LRP1B: variants seen among roughly 807,000 people sequenced by gnomAD.
LRP1B encodes the protein LDL receptor related protein 1B, also known as low-density lipoprotein receptor-related protein 1B.
A neutral mutation model predicts 556.6 loss-of-function variants in LRP1B; 217 were observed. The observed-to-expected ratio is 0.39, with a 90% CI of 0.35 to 0.44. LRP1B has a LOEUF of 0.44. Ranked by LOEUF, LRP1B falls within the 20% of genes least tolerant of loss-of-function variation. The pLI is 1.00. For synonymous variants in LRP1B, 2,047 were observed against 1,865.8 expected, an observed-to-expected ratio of 1.10 and a Z score of -2.50; for missense variants, 5,053 against 5,620.8, an observed-to-expected ratio of 0.90 and a Z score of 3.23.
At chr2:141,121,262 T>C (rs998642344) in intron 7 of LRP1B, among the ~76,000 whole-genome samples, 7 of 152,220 alleles carry the variant, frequency 4.6e-5, no homozygotes, top group Non-Finnish European at 7.4e-5. Flanking sequence ...AATCCTATCA[T>C]GAATCTGATA....
At chr2:140,999,452 A>C (rs1412618054) in intron 15 of LRP1B, among the ~76,000 whole-genome samples, 1 of 152,130 alleles carries the variant, frequency 6.6e-6, no homozygotes, top group East Asian at 1.9e-4. Flanking sequence ...TACTTTCACC[A>C]GGTGTAAAAT....
chr2:142,057,882 C>T (rs1704737605), intron 1 of LRP1B, among the ~76,000 whole-genome samples: 1 of 152,096 alleles, frequency 6.6e-6, no homozygotes, highest in African/African-American at 2.4e-5. Flanking sequence ...TCCTTGGACA[C>T]CCTTGTGTCT....
At chr2:141,839,588 G>A (rs531357243) in intron 1 of LRP1B, among the ~76,000 whole-genome samples, 2 of 152,316 alleles carry the variant, frequency 1.3e-5, no homozygotes, top group South Asian at 4.1e-4. Context: ...GGCTGTAACA[G>A]TGGTTAGGCT....
chr2:141,492,079 G>GAAAAAACAAACAAAA (rs1553521020), intron 2 of LRP1B, among the ~76,000 whole-genome samples: 7 of 8,066 alleles, frequency 8.7e-4, no homozygotes, highest in African/African-American at 1.9e-3. Flanking sequence ...TTAGCTTTCT[G>GAAAAAACAAACAAAA]AAAAAAAAAA....
intron 80 of LRP1B, among the ~76,000 whole-genome samples, chr2:140,324,870 CTTTT>C (rs36073920): frequency 7.3e-6 from 1 of 136,820 alleles, no homozygotes. Flanking sequence ...GGGATCTGAA[CTTTT>C]TTTTTTTTTT....
At chr2:141,734,343 G>T (rs1236479842) in intron 2 of LRP1B, among the ~76,000 whole-genome samples, 1 of 151,938 alleles carries the variant, frequency 6.6e-6, no homozygotes, top group African/African-American at 2.4e-5. Flanking sequence ...TATATAAATT[G>T]TTCAGATTCA....
At chr2:141,905,458 CT>C (rs199599005) in intron 1 of LRP1B, among the ~76,000 whole-genome samples, 3 of 150,908 alleles carry the variant, frequency 2.0e-5, no homozygotes, top group Non-Finnish European at 3.0e-5. Flanking sequence ...AGGTTTTGTA[CT>C]TTTTTTTTCA....
intron 2 of LRP1B, among the ~76,000 whole-genome samples, chr2:141,796,737 T>G (rs1405306099): frequency 6.6e-6 from 1 of 151,972 alleles, no homozygotes; most frequent in African/African-American, 2.4e-5. Context: ...TCTCTTGCAT[T>G]TGCAGTTGTA....
chr2:141,333,882 A>C (rs1434812544), intron 3 of LRP1B, among the ~76,000 whole-genome samples: 1 of 152,122 alleles, frequency 6.6e-6, no homozygotes, highest in Non-Finnish European at 1.5e-5. Flanking sequence ...TATGTGTATG[A>C]TATGAGTGTA....
intron 1 of LRP1B, among the ~76,000 whole-genome samples, chr2:141,994,664 A>G (rs759153788): frequency 6.6e-6 from 1 of 152,182 alleles, no homozygotes; most frequent in East Asian, 1.9e-4. Context: ...ATGTAAGGAT[A>G]TCATGAAAGA....
intron 41 of LRP1B, among the ~76,000 whole-genome samples, chr2:140,689,188 A>G (rs1686153566): frequency 6.6e-6 from 1 of 152,212 alleles, no homozygotes; most frequent in Non-Finnish European, 1.5e-5. Flanking sequence ...ACCTAACTTC[A>G]TAGGTAGAGA....
intron 2 of LRP1B, among the ~76,000 whole-genome samples, chr2:141,607,034 A>G (rs1687938419): frequency 6.6e-6 from 1 of 151,560 alleles, no homozygotes; most frequent in Non-Finnish European, 1.5e-5. Flanking sequence ...ATATGTTTTC[A>G]GTACCTTCTG....
chr2:140,369,920 T>C (rs1226442572), intron 71 of LRP1B, among the ~76,000 whole-genome samples: 1 of 151,966 alleles, frequency 6.6e-6, no homozygotes, highest in Non-Finnish European at 1.5e-5. Context: ...TACCAAGAAG[T>C]GTAAAATCTA....
intron 11 of LRP1B, among the ~76,000 whole-genome samples, chr2:141,037,768 A>C (rs1447120697): frequency 6.6e-6 from 1 of 151,948 alleles, no homozygotes; most frequent in Non-Finnish European, 1.5e-5. Context: ...GCAAAGTAAC[A>C]AGCAAAAACT....
intron 35 of LRP1B, among the ~76,000 whole-genome samples, chr2:140,764,756 T>C (rs1301778933): frequency 6.6e-6 from 1 of 152,146 alleles, no homozygotes; most frequent in Non-Finnish European, 1.5e-5. Flanking sequence ...GCGATACATT[T>C]GTCACAGGTG....
At chr2:140,266,214 A>G (rs1682197387) in intron 86 of LRP1B, among the ~76,000 whole-genome samples, 1 of 151,936 alleles carries the variant, frequency 6.6e-6, no homozygotes, top group Non-Finnish European at 1.5e-5. Flanking sequence ...CCTTTTGATT[A>G]ATTAACTGTA....
intron 3 of LRP1B, among the ~76,000 whole-genome samples, chr2:141,448,704 G>C (rs12475986): frequency 0.3 from 45,506 of 152,042 alleles, 6,970 homozygotes; most frequent in Admixed American, 0.33. Context: ...ACCCTGCTTC[G>C]GCTCGCCCTC....
chr2:141,803,432 G>C (rs1696075645), intron 2 of LRP1B, among the ~76,000 whole-genome samples: 1 of 151,638 alleles, frequency 6.6e-6, no homozygotes, highest in South Asian at 2.1e-4. Context: ...TATTAAAGAA[G>C]GGTCAATGCT....
chr2:141,221,288 T>TAA (rs3063857), intron 6 of LRP1B, among the ~76,000 whole-genome samples: 14 of 131,186 alleles, frequency 1.1e-4, no homozygotes, highest in African/African-American at 3.2e-4. Context: ...CCAACAAAGA[T>TAA]AAAAAAAAAA....
Sources: gnomAD v4.1 joint callset for allele counts (sites outside exome capture counted in the v4.1 genomes callset) on GRCh38, gnomAD v4.1.1 for gene constraint, MANE v1.5 for transcripts, NCBI Gene and HGNC (gene_info 2026-07-23, HGNC 2026-07-21) for gene names.